Variants in SAMD12 observed in about 807,000 individuals in gnomAD.
SAMD12 encodes sterile alpha motif domain-containing protein 12.
In SAMD12, 9 loss-of-function variants were observed where a neutral mutation model predicts 15.0. The ratio of observed to expected loss-of-function variants is 0.60; its 90% confidence interval spans 0.36 to 1.05. The LOEUF is 1.05. Ranked by LOEUF, SAMD12 falls within the 50% of genes least tolerant of loss-of-function variation. The pLI is 0.01. For missense variants in SAMD12, 230 were observed against 234.2 expected, an observed-to-expected ratio of 0.98 and a Z score of 0.12; for synonymous variants, 86 against 90.1, an observed-to-expected ratio of 0.96 and a Z score of 0.25.
At chr8:118,456,911 T>C (rs2130927845) in intron 2 of SAMD12, among the ~76,000 whole-genome samples, 1 of 152,334 alleles carries the variant, frequency 6.6e-6, no homozygotes, top group African/African-American at 2.4e-5. Flanking sequence ...TCTGCTCAAA[T>C]GGCATTCCAT....
intron 2 of SAMD12, among the ~76,000 whole-genome samples, chr8:118,494,246 A>G (rs1305867923): frequency 2.0e-5 from 3 of 152,180 alleles, no homozygotes; most frequent in African/African-American, 7.2e-5. Flanking sequence ...GAGCCTCTAG[A>G]AGGAATGTAG....
chr8:118,230,485 C>A (rs191024597), intron 4 of SAMD12, among the ~76,000 whole-genome samples: 1 of 152,062 alleles, frequency 6.6e-6, no homozygotes, highest in East Asian at 1.9e-4. Flanking sequence ...TGGATAATGA[C>A]GTTTCTTGGA....
intron 2 of SAMD12, among the ~76,000 whole-genome samples, chr8:118,449,046 C>T (rs1223851932): frequency 1.3e-5 from 2 of 149,574 alleles, no homozygotes; most frequent in Admixed American, 1.3e-4. Flanking sequence ...GGGGCAGCAG[C>T]ATGGACACAG....
At chr8:118,515,437 G>A (rs1334698542) in intron 2 of SAMD12, among the ~76,000 whole-genome samples, 1 of 152,048 alleles carries the variant, frequency 6.6e-6, no homozygotes, top group Non-Finnish European at 1.5e-5. Context: ...TACAGCCTGT[G>A]GAACTGTGAG....
chr8:118,249,946 G>A (rs921154144), intron 4 of SAMD12, among the ~76,000 whole-genome samples: 2 of 152,128 alleles, frequency 1.3e-5, no homozygotes, highest in Non-Finnish European at 1.5e-5. Flanking sequence ...GCAGGCAGAA[G>A]CCTCTGAGTG....
rs1816242362 is a variant in SAMD12, at chr8:118,321,144, A to ATAT, written c.433+58415_433+58416insATA. On this transcript the variant is annotated intron_variant, in intron 4 of 4. Transcript: ENST00000409003. ...TATAACATATATATCATAGATAATA[A>ATAT]ATATATATATATATATATATATATA... 9.5e-5 allele frequency among the ~76,000 whole-genome samples: 9 copies of ATAT among 94,500 alleles called. No individual in the cohort carries two copies. In the East Asian group the frequency reaches 2.5e-3, roughly 27 times the overall value. 62.0% of individuals were successfully genotyped at this position (94,500 alleles called of 152,430 possible). A position where few individuals can be genotyped will look rare whatever the true frequency, so the allele number is the denominator to read the frequency against.
intron 2 of SAMD12, among the ~76,000 whole-genome samples, chr8:118,539,002 ACTAGGATATAAAC>A (rs1351813284): frequency 2.6e-5 from 4 of 152,232 alleles, no homozygotes; most frequent in African/African-American, 9.6e-5. Context: ...AAATTACCTA[ACTAGGATATAAAC>A]CTATTGACCC....
chr8:118,440,434 G>C (rs1822706252), intron 2 of SAMD12, among the ~76,000 whole-genome samples: 1 of 152,110 alleles, frequency 6.6e-6, no homozygotes, highest in Admixed American at 6.6e-5. Context: ...TTAGATAACT[G>C]TATACTAAGA....
intron 2 of SAMD12, among the ~76,000 whole-genome samples, chr8:118,555,120 G>C (rs987153959): frequency 1.3e-5 from 2 of 152,312 alleles, no homozygotes; most frequent in Non-Finnish European, 2.9e-5. Context: ...ATATCCATCT[G>C]TTATTGGTTA....
At chr8:118,431,423 G>C (rs1360365278) in intron 3 of SAMD12, among the ~76,000 whole-genome samples, 2 of 152,050 alleles carry the variant, frequency 1.3e-5, no homozygotes, top group African/African-American at 4.8e-5. Context: ...AGGGCAGTTT[G>C]CTGACACTGA....
chr8:118,413,976 C>A (rs1563841840), intron 3 of SAMD12, among the ~76,000 whole-genome samples: 1 of 152,100 alleles, frequency 6.6e-6, no homozygotes, highest in Non-Finnish European at 1.5e-5. Context: ...TTCAGTGAAT[C>A]ACAGTGTTTA....
intron 4 of SAMD12, among the ~76,000 whole-genome samples, chr8:118,200,294 T>C (rs931242434): frequency 6.6e-6 from 1 of 150,796 alleles, no homozygotes; most frequent in African/African-American, 2.4e-5. Flanking sequence ...ACAGGAGTGA[T>C]AGGGAGGAAC....
At chr8:118,552,987 C>T (rs1293558257) in intron 2 of SAMD12, among the ~76,000 whole-genome samples, 1 of 151,966 alleles carries the variant, frequency 6.6e-6, no homozygotes, top group African/African-American at 2.4e-5. Context: ...ACATGAAGGA[C>T]CTCTTCAAGG....
intron 4 of SAMD12, among the ~76,000 whole-genome samples, chr8:118,348,758 A>G (rs745852476): frequency 2.6e-5 from 4 of 152,230 alleles, no homozygotes; most frequent in Non-Finnish European, 5.9e-5. Context: ...AATCACAGGA[A>G]GGCACAGACA....
At chr8:118,162,619 T>C in the SAMD12 span, among the ~76,000 whole-genome samples, 2 of 152,074 alleles carry the variant, frequency 1.3e-5, no homozygotes, top group African/African-American at 2.4e-5. Flanking sequence ...TCAAGAGGCA[T>C]GGGCTGCAGA....
At chr8:118,349,847 G>A (rs558972951) in intron 4 of SAMD12, among the ~76,000 whole-genome samples, 16 of 152,304 alleles carry the variant, frequency 1.1e-4, no homozygotes, top group African/African-American at 3.8e-4. Flanking sequence ...AGAGCCACCT[G>A]CTGGGCACTG....
At position 118,500,067 on chromosome 8, in the gene SAMD12, C is replaced by CTTTTTTTTT. The variant is rs563321387; in HGVS notation, c.193-60115_193-60107dup. On this transcript the variant is annotated intron_variant, in intron 2 of 3. Transcript: ENST00000314727. ...CAGGATACACGCCCCTGAGTTTTGCCTTTTTTTTTTTTTTTTTTTTTTTTT... is the reference window on the plus strand; with the variant it reads ...CAGGATACACGCCCCTGAGTTTTGCCTTTTTTTTTTTTTTTTTTTTTTTTTTTTTTTTTT... Among the ~76,000 whole-genome samples, 107 of 72,564 alleles carry CTTTTTTTTT rather than the reference C, an allele frequency of 1.5e-3. 9 individuals carry two copies. The highest frequency in any genetic ancestry group is 3.0e-3 in the African/African-American group (52 of 17,572). 47.6% of individuals were successfully genotyped at this position (72,564 alleles called of 152,430 possible). A position where few individuals can be genotyped will look rare whatever the true frequency, so the allele number is the denominator to read the frequency against.
chr8:118,191,763 TATATATATATATATATATATATATATATA>T lies in SAMD12; in HGVS notation c.*5918_*5946del, dbSNP rs1819385434. The T allele has an allele frequency of 2.1e-3, 30 of 14,432 alleles. 4 individuals carry two copies. Among genetic ancestry groups the T allele is most frequent in the Admixed American group, 4.5e-3 (4 of 884 alleles). 0.9% of individuals were successfully genotyped at this position (14,432 alleles called of 1,614,324 possible). On this transcript the variant is annotated 3_prime_UTR_variant, in exon 5 of 5. Transcript: ENST00000409003. ...GAAAAAAAATACTGGAGATTATATA[TATATATATATATATATATATATATATATA>T]TATATATATATATATATATAGAGAG...
At chr8:118,299,271 G>T (rs990139905) in intron 4 of SAMD12, among the ~76,000 whole-genome samples, 1 of 152,170 alleles carries the variant, frequency 6.6e-6, no homozygotes, top group African/African-American at 2.4e-5. Context: ...ATTTAGTAAG[G>T]TTGGTGGAGG....
Sources: gnomAD v4.1 joint callset for allele counts (sites outside exome capture counted in the v4.1 genomes callset) on GRCh38, gnomAD v4.1.1 for gene constraint, MANE v1.5 for transcripts, NCBI Gene and HGNC (gene_info 2026-07-23, HGNC 2026-07-21) for gene names.